The following IQSEC1 variants were observed in gnomAD, a reference collection of about 807,000 sequenced individuals.
IQSEC1 encodes IQ motif and SEC7 domain-containing protein 1.
IQSEC1 carries 31 observed loss-of-function variants against 91.0 expected under a neutral mutation model. The ratio of observed to expected loss-of-function variants is 0.34; its 90% confidence interval spans 0.26 to 0.46. The LOEUF is 0.46. Among genes scored for constraint, IQSEC1 ranks in the 20% least tolerant of loss-of-function variants. IQSEC1 has a pLI of 1.00. For synonymous variants in IQSEC1, 699 were observed against 662.6 expected, an observed-to-expected ratio of 1.05 and a Z score of -0.84; for missense variants, 1,388 against 1,575.6, an observed-to-expected ratio of 0.88 and a Z score of 2.02.
intron 2 of IQSEC1, among the ~76,000 whole-genome samples, chr3:13,122,114 T>C (rs1405146081): frequency 6.7e-4 from 1 of 1,498 alleles, no homozygotes; most frequent in Non-Finnish European, 1.4e-3. Flanking sequence ...TGAAGAGCAA[T>C]GCCCACCCCC....
intron 2 of IQSEC1, among the ~76,000 whole-genome samples, chr3:13,094,676 G>C (rs780493389): frequency 2.6e-5 from 4 of 152,152 alleles, no homozygotes; most frequent in Non-Finnish European, 5.9e-5. Context: ...TAAATCAGGA[G>C]TATGGCCTGT....
chr3:12,957,955 C>G (rs1364378373), intron 1 of IQSEC1, among the ~76,000 whole-genome samples: 1 of 152,244 alleles, frequency 6.6e-6, no homozygotes, highest in Admixed American at 6.5e-5. Flanking sequence ...GGTACTATAT[C>G]ATCTTCCCAT....
At position 12,900,453 on chromosome 3, in the gene IQSEC1, ATATATATATATATATT is replaced by A. The variant is rs1052211968; in HGVS notation, c.*514_*529del. The A allele has an allele frequency of 9.5e-6, 5 of 524,562 alleles. No individual in the cohort carries two copies. The highest frequency in any genetic ancestry group is 2.1e-5 in the African/African-American group (1 of 47,548). 32.5% of individuals were successfully genotyped at this position (524,562 alleles called of 1,614,324 possible). On this transcript the variant is annotated 3_prime_UTR_variant, in exon 14 of 14. Transcript: ENST00000613206. Reference sequence around the variant, plus strand: ...CACACACAAGTACTACCTATACAGTATATATATATATATATTTATATATTTATATATTTATATAAAG... The same window carrying A: ...CACACACAAGTACTACCTATACAGTATATATATTTATATATTTATATAAAG...
intron 1 of IQSEC1, among the ~76,000 whole-genome samples, chr3:13,020,954 A>AAAGG (rs1305634351): frequency 1.3e-4 from 20 of 152,226 alleles, no homozygotes; most frequent in Admixed American, 1.2e-3. Flanking sequence ...AGGAAGGCAA[A>AAAGG]AAGGAAGGAA....
chr3:13,036,036 G>C (rs558098194), intron 1 of IQSEC1, among the ~76,000 whole-genome samples: 112 of 152,302 alleles, frequency 7.4e-4, no homozygotes, highest in South Asian at 1.7e-3. Context: ...GTGGGCAGGT[G>C]AGGCTTCCTA....
At chr3:13,026,872 T>TC (rs1559728162) in intron 1 of IQSEC1, among the ~76,000 whole-genome samples, 2,974 of 56,398 alleles carry the variant, frequency 0.053, 46 homozygotes, top group Non-Finnish European at 0.095. Flanking sequence ...CAGTTTTTTT[T>TC]TTTTTTGTTT....
intron 2 of IQSEC1, among the ~76,000 whole-genome samples, chr3:13,120,989 T>C (rs984891648): frequency 2.6e-5 from 4 of 152,216 alleles, no homozygotes; most frequent in African/African-American, 9.7e-5. Flanking sequence ...CATTTAAATG[T>C]CACCTCCTGA....
chr3:13,168,225 C>A (rs1357269767), intron 1 of IQSEC1, among the ~76,000 whole-genome samples: 2 of 152,214 alleles, frequency 1.3e-5, no homozygotes, highest in African/African-American at 4.8e-5. Flanking sequence ...GATCCAAATT[C>A]AAGTTCTCAA....
At position 12,935,929 on chromosome 3, in the gene IQSEC1, G is replaced by A; in HGVS notation, c.1087C>T (p.Leu363=). 6.3e-7 allele frequency: 1 copy of A among 1,599,674 alleles called. No individual in the cohort carries two copies. The highest frequency in any genetic ancestry group is 8.5e-7 in the Non-Finnish European group (1 of 1,179,394). Residue 363 remains leucine (L), a synonymous_variant, in exon 3 of 14, where the codon CTG becomes TTG. Transcript: ENST00000613206. This position sits in a 1 kb window ranked among gnomAD's most constrained non-coding sequence, Gnocchi z 8.0. ...GGTGGCTCGATGGTGAGCAGCGGCA[G>A]ATGCTCCACCCGCAGCCGCTGCTCC... is the stretch of plus-strand genomic sequence containing the variant. ...RQEQRLRVEH[L]PLLTIEPPSD... is the part of the protein sequence containing the mutation.
chr3:13,132,481 G>A (rs1706637154), intron 2 of IQSEC1, among the ~76,000 whole-genome samples: 1 of 152,196 alleles, frequency 6.6e-6, no homozygotes, highest in Non-Finnish European at 1.5e-5. Context: ...GAGTCCTCGA[G>A]CTCTGTGCAG....
chr3:13,223,607 C>A (rs539689248), intron 1 of IQSEC1, among the ~76,000 whole-genome samples: 1 of 152,184 alleles, frequency 6.6e-6, no homozygotes, highest in Non-Finnish European at 1.5e-5. Context: ...CAGGTCCTCG[C>A]GCGCCCACCT....
At chr3:13,267,651 T>C (rs357158) in intron 1 of IQSEC1, among the ~76,000 whole-genome samples, 83,681 of 147,846 alleles carry the variant, frequency 0.57, 25,268 homozygotes, top group East Asian at 0.94. Flanking sequence ...AGAGTCTCGC[T>C]CTGTCGCCCA....
At chr3:13,247,230 C>T (rs1434884897) in intron 1 of IQSEC1, among the ~76,000 whole-genome samples, 1 of 152,138 alleles carries the variant, frequency 6.6e-6, no homozygotes, top group Non-Finnish European at 1.5e-5. Context: ...ATGTGCCTGC[C>T]CAGACTGGCT....
intron 1 of IQSEC1, among the ~76,000 whole-genome samples, chr3:13,233,480 A>G (rs1263429567): frequency 6.6e-6 from 1 of 152,010 alleles, no homozygotes; most frequent in East Asian, 1.9e-4. Context: ...ACCTCCACTC[A>G]CCTGGGAGCC....
intron 1 of IQSEC1, among the ~76,000 whole-genome samples, chr3:13,205,041 G>A (rs556334008): frequency 3.3e-5 from 5 of 151,730 alleles, no homozygotes; most frequent in Admixed American, 6.5e-5. Flanking sequence ...CAGGTGATCC[G>A]CCCTCCTCGA....
At chr3:13,087,504 G>T (rs546927468) in intron 2 of IQSEC1, among the ~76,000 whole-genome samples, 1 of 152,166 alleles carries the variant, frequency 6.6e-6, no homozygotes, top group Admixed American at 6.5e-5. Flanking sequence ...GGAGGAGACC[G>T]TGAATCAATC....
rs1011554681 is a variant in IQSEC1, at chr3:13,073,284, T to TC, written c.-271dup. ...GAGCGAGGACGTCGAGTAACCGTGG[T>TC]CGCCAGGCTGGGCGGGGGCGTCCAC... On this transcript the variant is annotated 5_prime_UTR_variant, in exon 1 of 14. Coordinates refer to ENST00000613206, the MANE Select transcript of IQSEC1 (RefSeq NM_001134382.3). 1.3e-5 allele frequency among the ~76,000 whole-genome samples: 2 copies of TC among 152,142 alleles called. No individual in the cohort carries two copies. Among genetic ancestry groups the TC allele is most frequent in the African/African-American group, 2.4e-5 (1 of 41,422 alleles).
chr3:12,936,455 G>A lies in IQSEC1; in HGVS notation c.561C>T (p.Asn187=), dbSNP rs779638218. The A allele has an allele frequency of 4.4e-6, 7 of 1,608,758 alleles. No individual in the cohort carries two copies. The highest frequency in any genetic ancestry group is 1.1e-5 in the South Asian group (1 of 90,968). The part of the protein sequence containing the change: ...YFEGKQVSVT[N]DGSQLGALVS... ...CCAGGGCTCCCAGCTGGGAGCCGTC[G>A]TTAGTCACTGAGACCTGCTTCCCCT... is the stretch of plus-strand genomic sequence containing the variant. The change falls in exon 3 of 14, where the codon AAC becomes AAT. Residue 187 remains asparagine (N), a synonymous_variant. Transcript: ENST00000613206.
chr3:12,942,191 A>G (rs1156584428), intron 1 of IQSEC1, among the ~76,000 whole-genome samples: 2 of 152,204 alleles, frequency 1.3e-5, no homozygotes, highest in African/African-American at 4.8e-5. Context: ...TGGGTCGCTG[A>G]TCACCCCCAG....
Sources: gnomAD v4.1 joint callset for allele counts (sites outside exome capture counted in the v4.1 genomes callset) on GRCh38, gnomAD v4.1.1 for gene constraint, Gnocchi (gnomAD v3.1) non-coding constraint, MANE v1.5 for transcripts, NCBI Gene and HGNC (gene_info 2026-07-23, HGNC 2026-07-21) for gene names.